The following MBTD1 variants were observed in gnomAD, a reference collection of about 807,000 sequenced individuals.
MBTD1 encodes the protein mbt domain containing 1, also known as MBT domain-containing protein 1.
A neutral mutation model predicts 87.8 loss-of-function variants in MBTD1; 24 were observed. That is an observed-to-expected ratio of 0.27 (90% CI 0.20 to 0.38). The LOEUF (loss-of-function observed/expected upper bound fraction) is 0.38. Among genes scored for constraint, MBTD1 ranks in the 10% least tolerant of loss-of-function variants. The pLI, the probability that MBTD1 is intolerant of heterozygous loss-of-function variation, is 1.00. For missense variants in MBTD1, 436 were observed against 760.2 expected (o/e 0.57, Z 5.02); for synonymous variants, 237 against 248.6 (o/e 0.95, Z 0.44).
In MBTD1 at chr17:51,205,021, G is replaced by T. The variant is rs140336600; in HGVS notation, c.605-1096C>A. The stretch of plus-strand genomic sequence containing the variant: ...AGGCAAATAGGAAGGCTTACTCTTG[G>T]AAAGTACAAAAAATATGTAATATAT... On this transcript the variant is annotated intron_variant, in intron 7 of 16. Coordinates refer to ENST00000586178, the MANE Select transcript of MBTD1 (RefSeq NM_017643.3). Among the ~76,000 whole-genome samples, 6 of 152,216 alleles carry T rather than the reference G, an allele frequency of 3.9e-5. No individual in the cohort carries two copies. In the East Asian group the frequency reaches 1.2e-3, roughly 29 times the overall value.
At chr17:51,222,128 C>T (rs1156451209) in intron 3 of MBTD1, among the ~76,000 whole-genome samples, 4 of 152,184 alleles carry the variant, frequency 2.6e-5, no homozygotes, top group Non-Finnish European at 5.9e-5. Flanking sequence ...AACTAGAATT[C>T]CCACAAGTAG....
chr17:51,206,865 A>T, intron 7 of MBTD1, 23 bp downstream of exon 7: 1 of 1,450,486 alleles, frequency 6.9e-7, no homozygotes, highest in Non-Finnish European at 9.7e-7. Flanking sequence ...ATTTTCTACT[A>T]AACTATTATT....
At chr17:51,212,252 G>A (rs898580219) in intron 6 of MBTD1, among the ~76,000 whole-genome samples, 2 of 151,906 alleles carry the variant, frequency 1.3e-5, no homozygotes, top group African/African-American at 4.8e-5. Flanking sequence ...CAGCTACTCA[G>A]GAGGCTGAGG....
rs974459007 is a variant in MBTD1, at chr17:51,212,364, A to AAAAAAG, written c.486+4969_486+4970insCTTTTT. On this transcript the variant is annotated intron_variant, in intron 6 of 16. Coordinates refer to ENST00000586178, the MANE Select transcript of MBTD1 (RefSeq NM_017643.3). ...AAGAGTGAGACTCCGCCTCAAAAAA[A>AAAAAAG]AAAAGAAAAGAAAAGAAAAGAAAAA... Among the ~76,000 whole-genome samples the AAAAAAG allele has an allele frequency of 1.1e-3, 171 of 151,546 alleles. 3 individuals are homozygous for AAAAAAG. Among genetic ancestry groups the AAAAAAG allele is most frequent in the Non-Finnish European group, 1.1e-3 (76 of 67,902 alleles).
At chr17:51,260,571 C>G (rs751192829), upstream of MBTD1, 5 of 1,609,774 alleles carry the variant, frequency 3.1e-6, no homozygotes, top group Admixed American at 3.4e-5. Context: ...CTGCGTTTCT[C>G]CTCAAACCTA....
rs558518420 is a variant in MBTD1 at position 51,231,153 on chromosome 17, G to T, written c.-48-5944C>A. On this transcript the variant is annotated intron_variant, in intron 2 of 16. Coordinates refer to ENST00000586178, the MANE Select transcript of MBTD1 (RefSeq NM_017643.3). ...GGGTTTCGCCATGTTGGTCAGGCTGGTCTCAAACTCCTGACCTTGTGATCT... is the reference window on the plus strand; with the variant it reads ...GGGTTTCGCCATGTTGGTCAGGCTGTTCTCAAACTCCTGACCTTGTGATCT... Among the ~76,000 whole-genome samples the T allele has an allele frequency of 7.9e-5, 12 of 152,264 alleles. No individual in the cohort carries two copies. In the East Asian group the frequency reaches 1.9e-3, roughly 25 times the overall value.
chr17:51,251,985 G>A (rs1007524821), intron 2 of MBTD1, among the ~76,000 whole-genome samples: 52 of 152,246 alleles, frequency 3.4e-4, no homozygotes, highest in Admixed American at 2.2e-3. Context: ...GGCTGATCTC[G>A]AACTCCTGGC....
chr17:51,230,070 G>T (rs1472623423), intron 2 of MBTD1, among the ~76,000 whole-genome samples: 1 of 152,090 alleles, frequency 6.6e-6, no homozygotes, highest in African/African-American at 2.4e-5. Flanking sequence ...TCCCTAGCTT[G>T]GTCATCTAAC....
chr17:51,260,745 C>G (rs377075898), upstream of MBTD1: 5 of 1,584,424 alleles, frequency 3.2e-6, no homozygotes, highest in Non-Finnish European at 4.3e-6. Context: ...CCGGCCCGGC[C>G]GAGCGCGGCG....
chr17:51,244,724 C>T (rs1174080960), intron 2 of MBTD1, among the ~76,000 whole-genome samples: 4 of 149,076 alleles, frequency 2.7e-5, no homozygotes, highest in Non-Finnish European at 5.9e-5. Flanking sequence ...GTCCTTTTGA[C>T]ATACTTCCAT....
At chr17:51,196,589 C>T (rs1234774051) in intron 12 of MBTD1, among the ~76,000 whole-genome samples, 1 of 151,984 alleles carries the variant, frequency 6.6e-6, no homozygotes, top group Admixed American at 6.6e-5. Flanking sequence ...TTCCCAATTT[C>T]CACTATATTA....
intron 13 of MBTD1, 89 bp downstream of exon 13, chr17:51,195,125 A>C: frequency 8.5e-7 from 1 of 1,169,956 alleles, no homozygotes; most frequent in Non-Finnish European, 1.2e-6. Flanking sequence ...GTACTCAGGA[A>C]ATCTAGGGCT....
chr17:51,252,881 TAA>T (rs34909545), intron 2 of MBTD1, among the ~76,000 whole-genome samples: 1 of 152,030 alleles, frequency 6.6e-6, no homozygotes, highest in African/African-American at 2.4e-5. Flanking sequence ...CTGTCCACTA[TAA>T]AGTCACTAAT....
chr17:51,228,344 C>T (rs147264161), intron 2 of MBTD1, among the ~76,000 whole-genome samples: 166 of 152,030 alleles, frequency 1.1e-3, no homozygotes, highest in African/African-American at 3.9e-3. Context: ...CATTTACCCA[C>T]GTAGCAAACC....
intron 6 of MBTD1, chr17:51,209,566 T>C (rs2052049956): frequency 2.2e-6 from 1 of 450,354 alleles, no homozygotes; most frequent in African/African-American, 2.0e-5. Flanking sequence ...TTGCTGTACT[T>C]CAAGATCATT....
At chr17:51,253,177 A>C (rs2054895953) in intron 2 of MBTD1, among the ~76,000 whole-genome samples, 1 of 152,194 alleles carries the variant, frequency 6.6e-6, no homozygotes, top group Non-Finnish European at 1.5e-5. Context: ...GGTATCAGTA[A>C]ATACATGTGG....
At chr17:51,216,638 T>C (rs2052584945) in intron 6 of MBTD1, among the ~76,000 whole-genome samples, 2 of 152,240 alleles carry the variant, frequency 1.3e-5, no homozygotes, top group African/African-American at 4.8e-5. Context: ...TCTTCTGAAT[T>C]ATCAGTTCAA....
chr17:51,231,536 G>A (rs34948275), intron 2 of MBTD1, among the ~76,000 whole-genome samples: 12 of 152,196 alleles, frequency 7.9e-5, no homozygotes, highest in Admixed American at 3.3e-4. Flanking sequence ...GAACATTATA[G>A]TGATTAAAGA....
At position 51,190,746 on chromosome 17, in the gene MBTD1, A is replaced by AG. The variant is rs1458758366; in HGVS notation, c.1768+1456_1768+1457insC. 4.8e-4 allele frequency among the ~76,000 whole-genome samples: 41 copies of AG among 85,244 alleles called. 1 individual carries two copies. The highest frequency in any genetic ancestry group is 2.4e-3 in the African/African-American group (41 of 16,954). The allele number at this position is 85,244 out of a possible 152,430, so 55.9% of individuals were successfully genotyped here. A position where few individuals can be genotyped will look rare whatever the true frequency, so the allele number is the denominator to read the frequency against. The stretch of plus-strand genomic sequence containing the variant: ...CAAAAAAAAAAAAAAAAAAAAAAAA[A>AG]AAAAATATATATATATATATATATA... On this transcript the variant is annotated intron_variant, in intron 16 of 16. Coordinates refer to ENST00000586178, the MANE Select transcript of MBTD1 (RefSeq NM_017643.3).
Sources: allele counts gnomAD v4.1 joint callset (sites outside exome capture counted in the v4.1 genomes callset), GRCh38; gene constraint gnomAD v4.1.1; transcripts MANE v1.5; gene names NCBI Gene and HGNC (gene_info 2026-07-23, HGNC 2026-07-21).